EPHA4: variants seen among roughly 807,000 people sequenced by gnomAD.
EPHA4 encodes the protein EPH receptor A4, also known as ephrin type-A receptor 4.
In EPHA4, 19 loss-of-function variants were observed where a neutral mutation model predicts 108.3. That is an observed-to-expected ratio of 0.18 (90% CI 0.12 to 0.26). The LOEUF is 0.26. EPHA4 is among the 10% of genes least tolerant of loss of function. The pLI is 1.00. For missense variants in EPHA4, 917 were observed against 1,254.0 expected, an observed-to-expected ratio of 0.73 and a Z score of 4.06; for synonymous variants, 449 against 455.5, an observed-to-expected ratio of 0.99 and a Z score of 0.18.
intron 5 of EPHA4, among the ~76,000 whole-genome samples, chr2:221,478,737 T>G (rs1368112572): frequency 6.8e-6 from 1 of 146,666 alleles, no homozygotes; most frequent in South Asian, 2.2e-4. Context: ...TCTGCCTATC[T>G]GCCTATCTGC....
At chr2:221,549,483 T>A (rs1694098420) in intron 3 of EPHA4, among the ~76,000 whole-genome samples, 1 of 152,048 alleles carries the variant, frequency 6.6e-6, no homozygotes, top group African/African-American at 2.4e-5. Context: ...AAAAGGAGAG[T>A]AAAGCACCAC....
upstream of EPHA4, chr2:221,572,750 C>A (rs1378893372): frequency 1.3e-5 from 2 of 152,684 alleles, no homozygotes; most frequent in East Asian, 3.9e-4. Context: ...GGAGAGTCGA[C>A]GTGTCTGCGT....
At position 221,455,367 on chromosome 2, in the gene EPHA4, G is replaced by C. The variant is rs546995066; in HGVS notation, c.1715+180C>G. Among the ~76,000 whole-genome samples the C allele has an allele frequency of 6.6e-5, 10 of 151,254 alleles. No individual in the cohort carries two copies. In the East Asian group the frequency reaches 1.5e-3, roughly 23 times the overall value. The stretch of plus-strand genomic sequence containing the variant: ...TTCCGGACCTCTCAGCCTGCCACCA[G>C]GGTACAGCTAGCAGCTTTGGTAGGG... On this transcript the variant is annotated intron_variant, in intron 8 of 17. Transcript: ENST00000281821.
intron 14 of EPHA4, among the ~76,000 whole-genome samples, chr2:221,431,658 A>G (rs1406614019): frequency 3.9e-5 from 6 of 152,098 alleles, no homozygotes; most frequent in Admixed American, 3.9e-4. Context: ...TTGACTCTAG[A>G]CTTGATGAGA....
chr2:221,559,719 T>C (rs1307809125), intron 3 of EPHA4, among the ~76,000 whole-genome samples: 1 of 152,198 alleles, frequency 6.6e-6, no homozygotes, highest in African/African-American at 2.4e-5. Context: ...GGATTTTGTT[T>C]CCTTTTTCCA....
intron 5 of EPHA4, among the ~76,000 whole-genome samples, chr2:221,462,923 C>T (rs1325962364): frequency 6.6e-6 from 1 of 152,182 alleles, no homozygotes; most frequent in Admixed American, 6.5e-5. Context: ...AGGGCATATG[C>T]AAATAGTTCT....
intron 9 of EPHA4, among the ~76,000 whole-genome samples, chr2:221,445,607 A>T (rs538036800): frequency 6.6e-6 from 1 of 151,676 alleles, no homozygotes; most frequent in Non-Finnish European, 1.5e-5. Flanking sequence ...AAAAAAAAAA[A>T]AAGTCTTCTA....
chr2:221,531,974 T>C (rs1245393105), intron 3 of EPHA4, among the ~76,000 whole-genome samples: 2 of 152,186 alleles, frequency 1.3e-5, no homozygotes, highest in East Asian at 3.9e-4. Context: ...AACAAGGACC[T>C]GCAGCCCCAT....
At chr2:221,508,477 G>T (rs1692700073) in intron 3 of EPHA4, among the ~76,000 whole-genome samples, 1 of 152,000 alleles carries the variant, frequency 6.6e-6, no homozygotes, top group African/African-American at 2.4e-5. Flanking sequence ...TATTCTGGAG[G>T]CTGAGGCAGG....
At chr2:221,497,272 A>G (rs1692326521) in intron 4 of EPHA4, among the ~76,000 whole-genome samples, 1 of 152,222 alleles carries the variant, frequency 6.6e-6, no homozygotes, top group Admixed American at 6.5e-5. Context: ...TCCAACTTAC[A>G]GATGAGGAAA....
At chr2:221,515,115 G>C (rs1692953009) in intron 3 of EPHA4, among the ~76,000 whole-genome samples, 1 of 152,116 alleles carries the variant, frequency 6.6e-6, no homozygotes, top group East Asian at 1.9e-4. Context: ...GTTTGTTTGA[G>C]ACGAAGTTTT....
At position 221,442,852 on chromosome 2, in the gene EPHA4, T is replaced by G; in HGVS notation, c.2051A>C (p.His684Pro). 1 of 1,614,194 alleles carries G rather than the reference T, an allele frequency of 6.2e-7. No individual in the cohort carries two copies. The highest frequency in any genetic ancestry group is 8.5e-7 in the Non-Finnish European group (1 of 1,180,020). The stretch of plus-strand genomic sequence containing the variant: ...ACATTTAGTGACCACGCCTTCCAAG[T>G]GAATGATGTTCGGATGGTCAAACTG... ...MGQFDHPNII[H>P]LEGVVTKCKP... The change falls in exon 11 of 18, where the codon CAC (histidine) becomes CCC (proline). Residue 684 changes from histidine (H) to proline (P), a missense_variant. Transcript: ENST00000281821.
At chr2:221,536,792 C>G (rs1440059355) in intron 3 of EPHA4, among the ~76,000 whole-genome samples, 1 of 152,212 alleles carries the variant, frequency 6.6e-6, no homozygotes, top group Non-Finnish European at 1.5e-5. Flanking sequence ...AGGTTGAATC[C>G]AGACTCCTCA....
intron 5 of EPHA4, among the ~76,000 whole-genome samples, chr2:221,470,337 G>T (rs560519996): frequency 2.1e-4 from 32 of 151,412 alleles, no homozygotes; most frequent in East Asian, 3.9e-4. Context: ...GAAAGGGCGG[G>T]GGGGAGAGAG....
At position 221,564,023 on chromosome 2, in the gene EPHA4, G is replaced by A; in HGVS notation, c.531C>T (p.Ser177=). The change falls in exon 3 of 18, where the codon AGC becomes AGT. Residue 177 remains serine, a synonymous_variant. Coordinates refer to ENST00000281821, the MANE Select transcript of EPHA4 (RefSeq NM_004438.5). ...NTEIRDVGPL[S]KKGFYLAFQD... Reference sequence around the variant, plus strand: ...GAAAAGCCAGGTAAAACCCCTTTTTGCTTAATGGCCCTACATCCCGGATCT... The same window carrying A: ...GAAAAGCCAGGTAAAACCCCTTTTTACTTAATGGCCCTACATCCCGGATCT... 6.2e-7 allele frequency: 1 copy of A among 1,613,728 alleles called. No homozygotes were observed. Among genetic ancestry groups the A allele is most frequent in the Non-Finnish European group, 8.5e-7 (1 of 1,179,930 alleles).
chr2:221,521,792 T>C, intron 3 of EPHA4, among the ~76,000 whole-genome samples: 1 of 151,858 alleles, frequency 6.6e-6, no homozygotes, highest in East Asian at 1.9e-4. Flanking sequence ...CTGGCCAACA[T>C]GGCAAAGCCC....
At chr2:221,505,359 CTT>C (rs1376595329) in intron 3 of EPHA4, among the ~76,000 whole-genome samples, 1 of 151,850 alleles carries the variant, frequency 6.6e-6, no homozygotes, top group African/African-American at 2.4e-5. Context: ...GAGTTTTGCT[CTT>C]GTTGCTCAGG....
rs544103225 is a variant in EPHA4, at chr2:221,437,287, A to G, written c.2075-165T>C. 1,060 of 528,988 alleles carry G rather than the reference A, an allele frequency of 2.0e-3. 5 individuals carry two copies. The highest frequency in any genetic ancestry group is 2.7e-3 in the Non-Finnish European group (797 of 298,024). The allele number at this position is 528,988 out of a possible 1,614,324, so 32.8% of individuals were successfully genotyped here. On this transcript the variant is annotated intron_variant, in intron 11 of 17. Coordinates refer to ENST00000281821, the MANE Select transcript of EPHA4 (RefSeq NM_004438.5). ...TCAGCTGTGGGGAGCTAGGAATGAA[A>G]TATTAAAAGGACGAGTAGGTTTAAA...
At chr2:221,539,563 C>A (rs954330786) in intron 3 of EPHA4, among the ~76,000 whole-genome samples, 2 of 152,152 alleles carry the variant, frequency 1.3e-5, no homozygotes, top group African/African-American at 2.4e-5. Context: ...GGCACAGCAG[C>A]TAGATTCTTA....
Sources: gnomAD v4.1 joint callset for allele counts (sites outside exome capture counted in the v4.1 genomes callset) on GRCh38, gnomAD v4.1.1 for gene constraint, MANE v1.5 for transcripts, NCBI Gene and HGNC (gene_info 2026-07-23, HGNC 2026-07-21) for gene names.